The following CFAP20DC variants were observed in gnomAD, a reference collection of about 807,000 sequenced individuals.
The protein encoded by CFAP20DC is protein CFAP20DC.
In CFAP20DC, 84 loss-of-function variants were observed where a neutral mutation model predicts 101.7. The ratio of observed to expected loss-of-function variants is 0.83; its 90% CI spans 0.69 to 0.99. The LOEUF (loss-of-function observed/expected upper bound fraction) is 0.99. CFAP20DC is among the 50% of genes least tolerant of loss of function. CFAP20DC has a pLI of 0.00. For missense variants in CFAP20DC, 1,007 were observed against 970.3 expected (o/e 1.04, Z -0.50); for synonymous variants, 359 against 351.2 (o/e 1.02, Z -0.25).
At chr3:58,937,973 C>G (rs2087944186) in intron 4 of CFAP20DC, among the ~76,000 whole-genome samples, 1 of 152,132 alleles carries the variant, frequency 6.6e-6, no homozygotes, top group Admixed American at 6.5e-5. Context: ...TATAAATTCA[C>G]TTAATATGCT....
chr3:58,878,833 T>C lies in CFAP20DC; in HGVS notation c.715+5712A>G, dbSNP rs572521894. Among the ~76,000 whole-genome samples, 90 of 151,892 alleles carry C rather than the reference T, an allele frequency of 5.9e-4. 1 individual carries two copies. Among genetic ancestry groups the C allele is most frequent in the African/African-American group, 2.1e-3 (89 of 41,438 alleles). ...GAGACCATCCTGTGAATGGTGAAAC[T>C]CCATCTCTACTAAAAATACAAAAAA... On this transcript the variant is annotated intron_variant, in intron 7 of 16. Coordinates refer to ENST00000482387, the MANE Select transcript of CFAP20DC (RefSeq NM_001394063.1).
intron 15 of CFAP20DC, among the ~76,000 whole-genome samples, chr3:58,805,793 G>C (rs2074011969): frequency 6.6e-6 from 1 of 152,132 alleles, no homozygotes; most frequent in African/African-American, 2.4e-5. Flanking sequence ...AGATCCACTT[G>C]TTCCTAATGA....
chr3:58,953,304 C>T (rs1324869682), intron 4 of CFAP20DC, among the ~76,000 whole-genome samples: 1 of 152,128 alleles, frequency 6.6e-6, no homozygotes, highest in Non-Finnish European at 1.5e-5. Context: ...CTCTAGACTG[C>T]AAAACTCAAT....
At chr3:59,010,156 C>A (rs1391241286) in intron 4 of CFAP20DC, among the ~76,000 whole-genome samples, 1 of 151,774 alleles carries the variant, frequency 6.6e-6, no homozygotes, top group African/African-American at 2.4e-5. Flanking sequence ...TGAAAAAAAA[C>A]AAGGTCTTTA....
chr3:58,885,095 C>T (rs1183389101), intron 6 of CFAP20DC, among the ~76,000 whole-genome samples: 1 of 151,946 alleles, frequency 6.6e-6, no homozygotes, highest in African/African-American at 2.4e-5. Flanking sequence ...TCAATAAGTA[C>T]AAAGATATTG....
chr3:58,816,191 T>A lies in CFAP20DC; in HGVS notation c.2176-9735A>T, dbSNP rs565000389. On this transcript the variant is annotated intron_variant, in intron 14 of 16. Transcript: ENST00000482387. The stretch of plus-strand genomic sequence containing the variant: ...AATACTATGCAGCCATAAAAAATGA[T>A]GAGTTCATGTCCTTTGTAGGGACAT... 5.1e-3 allele frequency among the ~76,000 whole-genome samples: 777 copies of A among 152,088 alleles called. 7 individuals carry two copies. The highest frequency in any genetic ancestry group is 0.017 in the African/African-American group (701 of 41,430).
chr3:58,830,746 G>A (rs1575804744), intron 14 of CFAP20DC, among the ~76,000 whole-genome samples: 1 of 152,052 alleles, frequency 6.6e-6, no homozygotes, highest in Admixed American at 6.5e-5. Context: ...GTATATTTTA[G>A]TCTGTTTGCT....
rs973311320 is a variant in CFAP20DC, at chr3:59,049,782, T to C, written c.-151A>G. 144 of 870,098 alleles carry C rather than the reference T, an allele frequency of 1.7e-4. No individual in the cohort carries two copies. The highest frequency in any genetic ancestry group is 2.4e-4 in the Non-Finnish European group (140 of 580,268). 53.9% of individuals were successfully genotyped at this position (870,098 alleles called of 1,614,324 possible). A position where few individuals can be genotyped will look rare whatever the true frequency, so the allele number is the denominator to read the frequency against. On this transcript the variant is annotated 5_prime_UTR_variant, in exon 1 of 17. Transcript: ENST00000482387. ...CTTGGCCCAGACTTGGGCAGGCTCT[T>C]CTCAGCCCCTCCGGCCCCTGGTCAG... is the stretch of plus-strand genomic sequence containing the variant.
intron 6 of CFAP20DC, among the ~76,000 whole-genome samples, chr3:58,905,379 T>C (rs921768490): frequency 6.6e-6 from 1 of 152,186 alleles, no homozygotes; most frequent in South Asian, 2.1e-4. Flanking sequence ...ATGATATGAG[T>C]TAATCAATAA....
At position 58,997,284 on chromosome 3, in the gene CFAP20DC, T is replaced by G. The variant is rs150453757; in HGVS notation, c.278+42273A>C. On this transcript the variant is annotated intron_variant, in intron 4 of 16. Coordinates refer to ENST00000482387, the MANE Select transcript of CFAP20DC (RefSeq NM_001394063.1). ...TGTGAAATAAGTACTATTAATATTATTATCTCTACCCTATAGATGAGAAAA... is the reference window on the plus strand; with the variant it reads ...TGTGAAATAAGTACTATTAATATTAGTATCTCTACCCTATAGATGAGAAAA... Among the ~76,000 whole-genome samples the G allele has an allele frequency of 2.3e-3, 354 of 152,358 alleles. 3 individuals carry two copies. Among genetic ancestry groups the G allele is most frequent in the African/African-American group, 8.4e-3 (348 of 41,588 alleles).
At chr3:59,028,845 G>C (rs551573386) in intron 4 of CFAP20DC, among the ~76,000 whole-genome samples, 1 of 152,170 alleles carries the variant, frequency 6.6e-6, no homozygotes, top group African/African-American at 2.4e-5. Context: ...CTTTACATTA[G>C]CTTTCTCATT....
chr3:59,009,078 C>T (rs1179867298), intron 4 of CFAP20DC, among the ~76,000 whole-genome samples: 1 of 152,044 alleles, frequency 6.6e-6, no homozygotes, highest in Non-Finnish European at 1.5e-5. Flanking sequence ...ACAAAGTCTT[C>T]ACTCCTACAA....
At chr3:58,950,977 T>C (rs1224343028) in intron 4 of CFAP20DC, among the ~76,000 whole-genome samples, 6 of 152,102 alleles carry the variant, frequency 3.9e-5, no homozygotes, top group African/African-American at 1.2e-4. Flanking sequence ...ACAGGCAACC[T>C]ACAAAATGGG....
rs1464856778 is a variant in CFAP20DC at position 58,861,591 on chromosome 3, G to T, written c.1593+1967C>A. 2 of 985,014 alleles carry T rather than the reference G, an allele frequency of 2.0e-6. No homozygotes were observed. 61.0% of individuals were successfully genotyped at this position (985,014 alleles called of 1,614,324 possible). On this transcript the variant is annotated intron_variant, in intron 12 of 16. Coordinates refer to ENST00000482387, the MANE Select transcript of CFAP20DC (RefSeq NM_001394063.1). The surrounding 1 kb of genome is among the most constrained non-coding windows in gnomAD (Gnocchi z 4.0). ...GGTATCATTACACATGCTAAAACTTGTTTAAATATAGCCTAGCATTTTTGT... is the reference window on the plus strand; with the variant it reads ...GGTATCATTACACATGCTAAAACTTTTTTAAATATAGCCTAGCATTTTTGT...
intron 14 of CFAP20DC, among the ~76,000 whole-genome samples, chr3:58,815,047 C>G (rs1157174984): frequency 6.6e-6 from 1 of 151,602 alleles, no homozygotes; most frequent in East Asian, 1.9e-4. Flanking sequence ...CCCGCATCGC[C>G]AAAGCAATCC....
chr3:58,903,252 T>A (rs1009894656), intron 6 of CFAP20DC, among the ~76,000 whole-genome samples: 1 of 152,168 alleles, frequency 6.6e-6, no homozygotes, highest in Non-Finnish European at 1.5e-5. Context: ...AGATTTACCT[T>A]TTTTTCTCTA....
chr3:58,852,207 G>C (rs1273324000), intron 12 of CFAP20DC, among the ~76,000 whole-genome samples: 2 of 152,062 alleles, frequency 1.3e-5, no homozygotes, highest in African/African-American at 4.8e-5. Context: ...TCAAGGAAAT[G>C]CTTCAGGATC....
At chr3:58,933,499 C>A (rs201607931) in intron 5 of CFAP20DC, among the ~76,000 whole-genome samples, 2 of 151,976 alleles carry the variant, frequency 1.3e-5, no homozygotes, top group Non-Finnish European at 2.9e-5. Flanking sequence ...ACACCTATTC[C>A]AAAATTGACC....
At chr3:58,784,983 T>C (rs958307666) in intron 15 of CFAP20DC, among the ~76,000 whole-genome samples, 1 of 152,116 alleles carries the variant, frequency 6.6e-6, no homozygotes, top group Non-Finnish European at 1.5e-5. Context: ...TGCACTTACC[T>C]GTTTATTGCG....
Sources: allele counts gnomAD v4.1 joint callset (sites outside exome capture counted in the v4.1 genomes callset), GRCh38; gene constraint gnomAD v4.1.1; non-coding constraint Gnocchi (gnomAD v3.1); transcripts MANE v1.5; gene names NCBI Gene and HGNC (gene_info 2026-07-23, HGNC 2026-07-21).